SCOC: variants seen among roughly 807,000 people sequenced by gnomAD.
SCOC encodes the protein short coiled-coil protein, also known as short coiled coil protein.
Under a neutral mutation model 9.9 loss-of-function variants are expected in SCOC, and 7 were observed. That is an observed-to-expected ratio of 0.71 (90% confidence interval 0.40 to 1.33). The LOEUF is 1.33. Ranked by LOEUF, SCOC falls within the 40% of genes most tolerant of loss-of-function variation. SCOC has a pLI of 0.01. For missense variants in SCOC, 66 were observed against 89.7 expected (o/e 0.74, Z 1.07); for synonymous variants, 19 against 28.2 (o/e 0.67, Z 1.03).
intron 3 of SCOC, 119 bp from the exon 4 acceptor site, chr4:140,380,843 C>A: frequency 1.4e-6 from 1 of 740,596 alleles, no homozygotes; most frequent in Non-Finnish European, 2.0e-6. Flanking sequence ...TCTCTAAAAT[C>A]CGAATTCTTA....
At chr4:140,373,208 G>A (rs1728136046), upstream of SCOC, 14 of 1,027,876 alleles carry the variant, frequency 1.4e-5, no homozygotes, top group Non-Finnish European at 1.6e-5. Flanking sequence ...TCTCTGCTTG[G>A]TTCGCAAACG....
intron 1 of SCOC, chr4:140,283,687 T>C (rs1731150129): frequency 6.6e-6 from 1 of 152,212 alleles, no homozygotes; most frequent in South Asian, 2.1e-4. Flanking sequence ...GACCTTCATG[T>C]GAAAGGAACA....
chr4:140,376,423 G>A (rs1578885220), intron 1 of SCOC: 2 of 152,326 alleles, frequency 1.3e-5, no homozygotes, highest in East Asian at 3.9e-4. Context: ...GTACTAAAGA[G>A]TAATGCCCTT....
chr4:140,299,950 G>A (rs79568437), intron 1 of SCOC, among the ~76,000 whole-genome samples: 1,653 of 152,298 alleles, frequency 0.011, 37 homozygotes, highest in South Asian at 0.084. Flanking sequence ...TGAACACTAA[G>A]CCCACTAATG....
At position 140,262,772 on chromosome 4, in the gene SCOC, C is replaced by T. The variant is rs887886421; in HGVS notation, c.-19+5362C>T. 5.9e-5 allele frequency among the ~76,000 whole-genome samples: 9 copies of T among 151,562 alleles called. No individual in the cohort carries two copies. The East Asian group carries it at 9.7e-4, about 16-fold the overall frequency. ...GGCCTCAGGAAACTTACAATTATGG[C>T]GGAGGGGCGAAGGGGAAGCAAGAAC... On this transcript the variant is annotated intron_variant, in intron 1 of 4. Transcript: ENST00000394205.
chr4:140,260,031 A>G (rs1236933620), intron 1 of SCOC, among the ~76,000 whole-genome samples: 1 of 151,970 alleles, frequency 6.6e-6, no homozygotes, highest in African/African-American at 2.4e-5. Context: ...TGAAATGATC[A>G]CTCTCCACAG....
intron 1 of SCOC, chr4:140,291,486 T>C (rs995247460): frequency 6.6e-6 from 3 of 457,186 alleles, no homozygotes; most frequent in African/African-American, 6.0e-5. Flanking sequence ...AATGGATCCA[T>C]ATGCCATTCT....
chr4:140,263,785 A>G (rs768852782), intron 1 of SCOC, among the ~76,000 whole-genome samples: 2 of 152,146 alleles, frequency 1.3e-5, no homozygotes, highest in Non-Finnish European at 2.9e-5. Flanking sequence ...CACAGAGGTG[A>G]GCTAAGAACC....
At chr4:140,269,376 T>A (rs1346282766) in intron 1 of SCOC, among the ~76,000 whole-genome samples, 2 of 152,082 alleles carry the variant, frequency 1.3e-5, no homozygotes, top group Non-Finnish European at 2.9e-5. Flanking sequence ...ACTGAAACAC[T>A]CTTTCGTAGA....
chr4:140,347,738 AT>A (rs550514424), intron 2 of SCOC, among the ~76,000 whole-genome samples: 14 of 152,206 alleles, frequency 9.2e-5, no homozygotes, highest in South Asian at 2.1e-4. Flanking sequence ...GTATATCATA[AT>A]TTTTTTCCCC....
chr4:140,279,003 G>A (rs1560679514), intron 1 of SCOC, among the ~76,000 whole-genome samples: 1 of 152,074 alleles, frequency 6.6e-6, no homozygotes, highest in Non-Finnish European at 1.5e-5. Flanking sequence ...TCAAGATCCT[G>A]TGTAGTTTGG....
intron 1 of SCOC, among the ~76,000 whole-genome samples, chr4:140,294,891 G>A (rs901585277): frequency 3.9e-5 from 6 of 152,122 alleles, no homozygotes; most frequent in Non-Finnish European, 8.8e-5. Context: ...CTTCTCCAAG[G>A]TTTTCTGTGT....
At chr4:140,369,274 T>A (rs1727937720), upstream of SCOC, 1 of 449,730 alleles carries the variant, frequency 2.2e-6, no homozygotes, top group Non-Finnish European at 4.5e-6. Context: ...AGTTTTGAAA[T>A]CAAGTTTTAA....
intron 1 of SCOC, among the ~76,000 whole-genome samples, chr4:140,310,605 T>A (rs1446388744): frequency 6.6e-6 from 1 of 152,220 alleles, no homozygotes; most frequent in Non-Finnish European, 1.5e-5. Context: ...TTGGACAATA[T>A]GATAGGAGTT....
At chr4:140,346,752 T>C (rs1343022882) in intron 2 of SCOC, among the ~76,000 whole-genome samples, 1 of 152,100 alleles carries the variant, frequency 6.6e-6, no homozygotes, top group Non-Finnish European at 1.5e-5. Context: ...CAAAGAAACA[T>C]TACAAATGAT....
At chr4:140,334,560 T>G (rs1231187907) in intron 1 of SCOC, among the ~76,000 whole-genome samples, 2 of 151,878 alleles carry the variant, frequency 1.3e-5, no homozygotes, top group Non-Finnish European at 2.9e-5. Context: ...AGCGAAACTG[T>G]TTTTTTTCCT....
intron 1 of SCOC, chr4:140,291,502 A>T: frequency 2.2e-6 from 1 of 457,404 alleles, no homozygotes; most frequent in Non-Finnish European, 4.4e-6. Context: ...ATTCTGCAGG[A>T]TGTCCACAAG....
chr4:140,381,241 A>T lies in SCOC; in HGVS notation c.*137A>T. 1 of 771,590 alleles carries T rather than the reference A, an allele frequency of 1.3e-6. No individual in the cohort carries two copies. Among genetic ancestry groups the T allele is most frequent in the Non-Finnish European group, 2.0e-6 (1 of 502,500 alleles). The allele number at this position is 771,590 out of a possible 1,614,324, so 47.8% of individuals were successfully genotyped here. On this transcript the variant is annotated 3_prime_UTR_variant, in exon 4 of 4. Coordinates refer to ENST00000608372, the MANE Select transcript of SCOC (RefSeq NM_001153484.2). ...GATAATGTCAGATGTAGACAAAAAT[A>T]ACACAATAACAGGAGACTTCCATAA...
At chr4:140,278,018 T>A (rs1239301527) in intron 1 of SCOC, among the ~76,000 whole-genome samples, 1 of 152,290 alleles carries the variant, frequency 6.6e-6, no homozygotes, top group Non-Finnish European at 1.5e-5. Flanking sequence ...TATATAATTC[T>A]ATGTATATTT....
Sources: gnomAD v4.1 joint callset for allele counts (sites outside exome capture counted in the v4.1 genomes callset) on GRCh38, gnomAD v4.1.1 for gene constraint, MANE v1.5 for transcripts, NCBI Gene and HGNC (gene_info 2026-07-23, HGNC 2026-07-21) for gene names.